POLB: variants seen among roughly 807,000 people sequenced by gnomAD.
POLB encodes 5'-dRP lyase.
POLB carries 37 observed loss-of-function variants against 52.7 expected under a neutral mutation model. The observed-to-expected ratio is 0.70, with a 90% CI of 0.54 to 0.92. POLB has a LOEUF of 0.92. Among genes scored for constraint, POLB ranks in the 40% least tolerant of loss-of-function variants. The probability of loss-of-function intolerance (pLI) is 0.00; values close to 1 mark genes in which losing one functional copy is unlikely to be tolerated. For missense variants in POLB, 313 were observed against 400.8 expected, an observed-to-expected ratio of 0.78 and a Z score of 1.87; for synonymous variants, 138 against 131.3, an observed-to-expected ratio of 1.05 and a Z score of -0.35.
chr8:42,356,982 G>C (rs1823353646), intron 7 of POLB, among the ~76,000 whole-genome samples, 187 bp from the exon 8 acceptor site: 1 of 152,006 alleles, frequency 6.6e-6, no homozygotes, highest in African/African-American at 2.4e-5. Context: ...TCCAGTTTAG[G>C]AATAAACCTC....
intron 11 of POLB, among the ~76,000 whole-genome samples, chr8:42,363,711 A>G (rs182112775): frequency 6.6e-6 from 1 of 152,214 alleles, no homozygotes; most frequent in East Asian, 1.9e-4. Context: ...AAAAATATTA[A>G]TCTATTTCAA....
chr8:42,371,673 TG>T lies in POLB; in HGVS notation c.*18del. On this transcript the variant is annotated 3_prime_UTR_variant, in exon 14 of 14. Coordinates refer to ENST00000265421, the MANE Select transcript of POLB (RefSeq NM_002690.3). ...GAGCGAATGAGGCCTGTATCCTCCCTGGCAGACACAACCCAATAGGAGTCTT... is the reference window on the plus strand; with the variant it reads ...GAGCGAATGAGGCCTGTATCCTCCCTGCAGACACAACCCAATAGGAGTCTT... The T allele has an allele frequency of 6.9e-7, 1 of 1,451,922 alleles. No individual in the cohort carries two copies. The highest frequency in any genetic ancestry group is 9.7e-7 in the Non-Finnish European group (1 of 1,032,302). 89.9% of individuals were successfully genotyped at this position (1,451,922 alleles called of 1,614,324 possible).
At chr8:42,342,807 C>CA (rs1822292776) in intron 2 of POLB, among the ~76,000 whole-genome samples, 3 of 151,822 alleles carry the variant, frequency 2.0e-5, no homozygotes. Flanking sequence ...CCAACCTGGG[C>CA]AACATAGCAA....
chr8:42,350,588 T>C (rs2130802152), intron 5 of POLB, among the ~76,000 whole-genome samples: 1 of 152,274 alleles, frequency 6.6e-6, no homozygotes, highest in African/African-American at 2.4e-5. Context: ...CAAGCATTTT[T>C]AAATGAAGGG....
intron 2 of POLB, among the ~76,000 whole-genome samples, chr8:42,344,553 G>T (rs1237231579): frequency 6.6e-6 from 1 of 151,798 alleles, no homozygotes; most frequent in Non-Finnish European, 1.5e-5. Context: ...TAGAAAATTA[G>T]GCCAGGCGCA....
chr8:42,370,999 GA>G (rs1417155176), intron 13 of POLB, among the ~76,000 whole-genome samples: 1 of 152,180 alleles, frequency 6.6e-6, no homozygotes, highest in East Asian at 1.9e-4. Context: ...GGCTCCAGCA[GA>G]AAGGACAATC....
At chr8:42,362,580 CT>C in intron 10 of POLB, 31 bp from the exon 11 acceptor site, 1 of 1,310,372 alleles carries the variant, frequency 7.6e-7, no homozygotes, top group Non-Finnish European at 1.1e-6. Context: ...AGTAATTACT[CT>C]TTTTCTTATT....
chr8:42,354,744 A>G (rs568437823), intron 6 of POLB, among the ~76,000 whole-genome samples: 1 of 151,772 alleles, frequency 6.6e-6, no homozygotes, highest in Non-Finnish European at 1.5e-5. Context: ...GAGTTTCACC[A>G]TGTTGGTCAG....
intron 11 of POLB, among the ~76,000 whole-genome samples, chr8:42,363,926 CTTT>C (rs766603558): frequency 3.0e-5 from 4 of 132,364 alleles, no homozygotes; most frequent in Admixed American, 7.7e-5. Context: ...AATTACGATT[CTTT>C]TTTTTTTTTT....
rs1363110775 is a variant in POLB, at chr8:42,356,990, C to T, written c.423-179C>T. 2.6e-5 allele frequency among the ~76,000 whole-genome samples: 4 copies of T among 151,906 alleles called. No homozygotes were observed. The East Asian group carries it at 7.7e-4, about 29-fold the overall frequency. ...ATTTTTATCCAGTTTAGGAATAAAC[C>T]TCCCCCCATTCACTCCACCCCCAAT... On this transcript the variant is annotated intron_variant, in intron 7 of 13. Coordinates refer to ENST00000265421, the MANE Select transcript of POLB (RefSeq NM_002690.3).
rs140129245 is a variant in POLB at position 42,365,359 on chromosome 8, A to G, written c.708+2661A>G. Among the ~76,000 whole-genome samples, 11 of 152,356 alleles carry G rather than the reference A, an allele frequency of 7.2e-5. No individual in the cohort carries two copies. The East Asian group carries it at 2.1e-3, about 29-fold the overall frequency. ...TTTGAAGTCTTACTCTGTTCCCAAA[A>G]GTATATACATACATGAGATGGTATT... On this transcript the variant is annotated intron_variant, in intron 11 of 13. Coordinates refer to ENST00000265421, the MANE Select transcript of POLB (RefSeq NM_002690.3).
rs1333444823 is a variant in POLB at position 42,355,580 on chromosome 8, A to T, written c.422+13A>T. On this transcript the variant is annotated intron_variant, in intron 7 of 13. Coordinates refer to ENST00000265421, the MANE Select transcript of POLB (RefSeq NM_002690.3). ...GAATTGGGCTGAAGTAAGATGGCAG[A>T]TTTTCTTTTGACACTTGAGATATAA... 1 of 1,563,398 alleles carries T rather than the reference A, an allele frequency of 6.4e-7. No individual in the cohort carries two copies. Among genetic ancestry groups the T allele is most frequent in the Non-Finnish European group, 8.8e-7 (1 of 1,136,370 alleles).
chr8:42,345,062 C>A (rs1260243328), intron 3 of POLB, 43 bp downstream of exon 3: 3 of 1,406,292 alleles, frequency 2.1e-6, no homozygotes, highest in South Asian at 1.2e-5. Context: ...CACACGTGTC[C>A]AAATTTGGTG....
intron 2 of POLB, among the ~76,000 whole-genome samples, chr8:42,344,474 A>C (rs1341244438): frequency 1.3e-5 from 2 of 150,008 alleles, no homozygotes; most frequent in Admixed American, 6.7e-5. Context: ...CATCTCAAAA[A>C]AAAAAAAAAA....
At position 42,369,939 on chromosome 8, in the gene POLB, A is replaced by C; in HGVS notation, c.864A>C (p.Glu288Asp). 1 of 1,610,532 alleles carries C rather than the reference A, an allele frequency of 6.2e-7. No homozygotes were observed. The highest frequency in any genetic ancestry group is 8.5e-7 in the Non-Finnish European group (1 of 1,176,962). ...FNKNMRAHALEKGFTINEYTI... is the reference protein window; with the variant it reads ...FNKNMRAHALDKGFTINEYTI... ...AGAATATGAGGGCTCATGCCCTAGA[A>C]AAGGGTTTCACAATCAATGAGTACA... Residue 288 changes from glutamate (E) to aspartate (D), a missense_variant, in exon 13 of 14, where the codon GAA becomes GAC. Coordinates refer to ENST00000265421, the MANE Select transcript of POLB (RefSeq NM_002690.3).
At chr8:42,348,568 C>T (rs1483351615) in intron 3 of POLB, among the ~76,000 whole-genome samples, 1 of 152,106 alleles carries the variant, frequency 6.6e-6, no homozygotes. Flanking sequence ...ATGAGAAACT[C>T]TAGGGTGGGA....
At position 42,371,805 on chromosome 8, in the gene POLB, A is replaced by G. The variant is rs1344794228; in HGVS notation, c.*148A>G. The G allele has an allele frequency of 1.4e-5, 8 of 563,672 alleles. No individual in the cohort carries two copies. Among genetic ancestry groups the G allele is most frequent in the Non-Finnish European group, 2.6e-5 (8 of 305,810 alleles). 34.9% of individuals were successfully genotyped at this position (563,672 alleles called of 1,614,324 possible). On this transcript the variant is annotated 3_prime_UTR_variant, in exon 14 of 14. Coordinates refer to ENST00000265421, the MANE Select transcript of POLB (RefSeq NM_002690.3). ...TGTAGTCAATAAAACCTCATGTACT[A>G]TTATTGGATGATGATGATCTTATTT...
At chr8:42,371,425 C>CTTT in intron 13 of POLB, 138 bp from the exon 14 acceptor site, 1 of 366,656 alleles carries the variant, frequency 2.7e-6, no homozygotes, top group South Asian at 4.7e-5. Context: ...ATCCGCCGGT[C>CTTT]TTTTTTTTTT....
At chr8:42,363,700 GAAA>G (rs1304629353) in intron 11 of POLB, among the ~76,000 whole-genome samples, 1 of 151,964 alleles carries the variant, frequency 6.6e-6, no homozygotes, top group Non-Finnish European at 1.5e-5. Context: ...AGAATTGATT[GAAA>G]AATATTAATC....
Sources: allele counts gnomAD v4.1 joint callset (sites outside exome capture counted in the v4.1 genomes callset), GRCh38; gene constraint gnomAD v4.1.1; transcripts MANE v1.5; gene names NCBI Gene and HGNC (gene_info 2026-07-23, HGNC 2026-07-21).